The following RALY variants were observed in gnomAD, a reference collection of about 807,000 sequenced individuals.
RALY encodes the protein RALY heterogeneous nuclear ribonucleoprotein, also known as RNA-binding protein Raly.
In RALY, 15 loss-of-function variants were observed where a neutral mutation model predicts 30.7. That is an observed-to-expected ratio of 0.49 (90% confidence interval 0.33 to 0.75). The LOEUF is 0.75. RALY is among the 30% of genes least tolerant of loss of function. The pLI is 0.02. For missense variants in RALY, 339 were observed against 414.3 expected (o/e 0.82, Z 1.58); for synonymous variants, 177 against 170.8 (o/e 1.04, Z -0.28).
chr20:34,079,108 G>T (rs2033974462), intron 9 of RALY, among the ~76,000 whole-genome samples: 1 of 152,212 alleles, frequency 6.6e-6, no homozygotes, highest in South Asian at 2.1e-4. Flanking sequence ...TGATGATTGT[G>T]AAGGGCCGTA....
At position 34,078,498 on chromosome 20, in the gene RALY, C is replaced by T; in HGVS notation, c.877-7C>T. On this transcript the variant is annotated splice_polypyrimidine_tract_variant and splice_region_variant and intron_variant, in intron 8 of 9. Transcript: ENST00000246194. ...ATGTGTGGTCTCTCTTACCTCCTCC[C>T]TATCAGGAACACAGCCAGGACACAG... is the stretch of plus-strand genomic sequence containing the variant. 6.3e-7 allele frequency: 1 copy of T among 1,581,266 alleles called. No individual in the cohort carries two copies. Among genetic ancestry groups the T allele is most frequent in the Non-Finnish European group, 8.6e-7 (1 of 1,163,668 alleles).
chr20:34,001,491 G>A (rs570125391), intron 1 of RALY, among the ~76,000 whole-genome samples: 1 of 152,260 alleles, frequency 6.6e-6, no homozygotes, highest in South Asian at 2.1e-4. Context: ...AGGTTTGGAA[G>A]CTTAATGTTA....
chr20:34,071,805 T>G (rs151187619), intron 2 of RALY, among the ~76,000 whole-genome samples: 1 of 152,260 alleles, frequency 6.6e-6, no homozygotes, highest in East Asian at 1.9e-4. Flanking sequence ...GTGAGATTTC[T>G]CCCTTGTAAA....
chr20:34,045,229 A>G (rs1330745141), intron 2 of RALY, among the ~76,000 whole-genome samples: 2 of 152,162 alleles, frequency 1.3e-5, no homozygotes, highest in South Asian at 4.1e-4. Context: ...ACTTATTTTA[A>G]TGGGGAAAAC....
intron 1 of RALY, among the ~76,000 whole-genome samples, chr20:34,025,492 C>T (rs192670922): frequency 7.2e-5 from 11 of 151,992 alleles, no homozygotes; most frequent in Non-Finnish European, 1.3e-4. Context: ...TTAGTAGAGA[C>T]GGAGTTTAGC....
rs558507950 is a variant in RALY at position 34,048,313 on chromosome 20, G to C, written c.-10+16709G>C. ...AGTCGTGTGTCTCTCGTGCTCCTGG[G>C]GGGATGAGAGTGTTGGGTCTCCTAT... On this transcript the variant is annotated intron_variant, in intron 2 of 9. Coordinates refer to ENST00000246194, the MANE Select transcript of RALY (RefSeq NM_016732.3). Among the ~76,000 whole-genome samples the C allele has an allele frequency of 2.0e-5, 3 of 152,286 alleles. No individual in the cohort carries two copies. In the South Asian group the frequency reaches 6.2e-4, roughly 32 times the overall value.
At chr20:34,040,130 A>G (rs1403062831) in intron 2 of RALY, among the ~76,000 whole-genome samples, 1 of 152,096 alleles carries the variant, frequency 6.6e-6, no homozygotes, top group African/African-American at 2.4e-5. Flanking sequence ...AAAGTGCAAT[A>G]ATGATAATAG....
intron 1 of RALY, among the ~76,000 whole-genome samples, chr20:34,027,575 T>C (rs1394105451): frequency 6.6e-6 from 1 of 152,230 alleles, no homozygotes; most frequent in Non-Finnish European, 1.5e-5. Flanking sequence ...CTGCCTATTA[T>C]TAGTAATTTT....
At chr20:34,020,961 TA>T (rs2031796172) in intron 1 of RALY, among the ~76,000 whole-genome samples, 3 of 152,038 alleles carry the variant, frequency 2.0e-5, no homozygotes, top group Non-Finnish European at 2.9e-5. Context: ...TTTTTTTTTT[TA>T]ATTAGTTTAT....
At chr20:34,029,579 G>A (rs1302639512) in intron 1 of RALY, among the ~76,000 whole-genome samples, 22 of 151,664 alleles carry the variant, frequency 1.5e-4, no homozygotes, top group Admixed American at 1.4e-3. Context: ...GCAGTTGTGG[G>A]AATGGGGAAG....
chr20:34,072,872 T>C (rs1259833743), intron 3 of RALY, among the ~76,000 whole-genome samples: 1 of 152,200 alleles, frequency 6.6e-6, no homozygotes, highest in East Asian at 1.9e-4. Flanking sequence ...ACAAGAAGTA[T>C]ATGGATTGAC....
chr20:34,070,694 T>C (rs941971198), intron 2 of RALY, among the ~76,000 whole-genome samples: 2 of 152,218 alleles, frequency 1.3e-5, no homozygotes, highest in African/African-American at 4.8e-5. Context: ...AGTAAGTTAA[T>C]GAACTTGTCA....
At chr20:33,999,850 T>C (rs1009761534) in intron 1 of RALY, among the ~76,000 whole-genome samples, 1 of 151,936 alleles carries the variant, frequency 6.6e-6, no homozygotes, top group African/African-American at 2.4e-5. Flanking sequence ...AGTCTTTTTC[T>C]CGGGTGGCAC....
intron 1 of RALY, among the ~76,000 whole-genome samples, chr20:34,025,131 GCTGCCTTCAGGGGAGCC>G (rs1480319774): frequency 6.6e-6 from 1 of 152,160 alleles, no homozygotes. Context: ...TGCGTTGGAG[GCTGCCTTCAGGGGAGCC>G]CTGCCTGAGG....
At chr20:34,019,427 C>T (rs1050997636) in intron 1 of RALY, among the ~76,000 whole-genome samples, 4 of 152,172 alleles carry the variant, frequency 2.6e-5, no homozygotes, top group African/African-American at 9.7e-5. Flanking sequence ...GTCTTGGCCT[C>T]TGCTTTAAGT....
At chr20:34,055,729 C>T (rs1292297040) in intron 2 of RALY, among the ~76,000 whole-genome samples, 1 of 152,192 alleles carries the variant, frequency 6.6e-6, no homozygotes, top group Non-Finnish European at 1.5e-5. Context: ...GGCAAGAATG[C>T]CTTGCTATTA....
chr20:34,043,668 C>T (rs2032778843), intron 2 of RALY, among the ~76,000 whole-genome samples: 1 of 152,130 alleles, frequency 6.6e-6, no homozygotes, highest in African/African-American at 2.4e-5. Flanking sequence ...GGGGTTCATA[C>T]TAGTGGGTAG....
At chr20:34,042,623 A>G (rs373390433) in intron 2 of RALY, among the ~76,000 whole-genome samples, 1 of 152,216 alleles carries the variant, frequency 6.6e-6, no homozygotes, top group Non-Finnish European at 1.5e-5. Context: ...TGTTTAACTG[A>G]TTAATGTGGA....
intron 2 of RALY, among the ~76,000 whole-genome samples, chr20:34,038,959 C>G (rs1386154101): frequency 6.6e-6 from 1 of 152,162 alleles, no homozygotes. Flanking sequence ...TAACCTTGTT[C>G]TACTGACTCA....
Sources: gnomAD v4.1 joint callset for allele counts (sites outside exome capture counted in the v4.1 genomes callset) on GRCh38, gnomAD v4.1.1 for gene constraint, MANE v1.5 for transcripts, NCBI Gene and HGNC (gene_info 2026-07-23, HGNC 2026-07-21) for gene names.